Variants in SLC4A9 observed in about 807,000 individuals in gnomAD.
The protein encoded by SLC4A9 is solute carrier family 4 member 9, also known as anion exchange protein 4.
A neutral mutation model predicts 103.2 loss-of-function variants in SLC4A9; 102 were observed. That is an observed-to-expected ratio of 0.99 (90% CI 0.84 to 1.17). SLC4A9 has a LOEUF of 1.17. SLC4A9 is among the 50% of genes most tolerant of loss of function. SLC4A9 has a pLI of 0.00. For synonymous variants in SLC4A9, 453 were observed against 483.6 expected, an observed-to-expected ratio of 0.94 and a Z score of 0.83; for missense variants, 1,091 against 1,193.7, an observed-to-expected ratio of 0.91 and a Z score of 1.27.
At position 140,363,143 on chromosome 5, in the gene SLC4A9, G is replaced by C; in HGVS notation, c.962+77G>C. 3 of 1,542,204 alleles carry C rather than the reference G, an allele frequency of 1.9e-6. No homozygotes were observed. The highest frequency in any genetic ancestry group is 2.6e-6 in the Non-Finnish European group (3 of 1,146,704). On this transcript the variant is annotated intron_variant, in intron 7 of 21. Transcript: ENST00000506757. The surrounding 1 kb of genome is among the most constrained non-coding windows in gnomAD (Gnocchi z 4.5). The stretch of plus-strand genomic sequence containing the variant: ...TCTAATTCCATTGTTGAGGAGGGGT[G>C]GTGTCCCAGGAAAGAGATAGGGACC...
intron 3 of SLC4A9, among the ~76,000 whole-genome samples, 197 bp from the exon 4 acceptor site, chr5:140,361,611 C>G (rs1302928693): frequency 6.6e-6 from 1 of 152,216 alleles, no homozygotes; most frequent in Admixed American, 6.5e-5. Context: ...TTCACAGTAT[C>G]TCATTTGATC....
At position 140,372,273 on chromosome 5, in the gene SLC4A9, T is replaced by C; in HGVS notation, c.2702T>C (p.Leu901Pro). The C allele has an allele frequency of 6.3e-7, 1 of 1,591,990 alleles. No individual in the cohort carries two copies. The highest frequency in any genetic ancestry group is 8.5e-7 in the Non-Finnish European group (1 of 1,173,360). Reference protein sequence around the residue: ...LLGLVGVRKALERVFSPQELL... With the variant: ...LLGLVGVRKAPERVFSPQELL... ...GGCCTTGTGGGGGTCCGAAAGGCCC[T>C]GGAGAGGGTCTTCTCACCACAGGAA... Residue 901 changes from leucine to proline, a missense_variant, in exon 20 of 22, where the codon CTG becomes CCG. By Grantham distance (98) the Leu-to-Pro change is moderately conservative. Transcript: ENST00000506757.
chr5:140,366,748 T>C (rs1420254856), intron 14 of SLC4A9, among the ~76,000 whole-genome samples: 1 of 152,212 alleles, frequency 6.6e-6, no homozygotes, highest in African/African-American at 2.4e-5. Flanking sequence ...TGTTACGGGA[T>C]TGCCCCACCC....
At chr5:140,360,996 A>G in intron 2 of SLC4A9, 24 bp downstream of exon 2, 1 of 1,543,396 alleles carries the variant, frequency 6.5e-7, no homozygotes, top group Middle Eastern at 2.1e-4. Context: ...CTTTGCAGGA[A>G]GGGCCTGGGT....
chr5:140,363,187 C>T lies in SLC4A9; in HGVS notation c.962+121C>T. The T allele has an allele frequency of 1.5e-6, 2 of 1,304,356 alleles. No individual in the cohort carries two copies. Among genetic ancestry groups the T allele is most frequent in the Non-Finnish European group, 2.1e-6 (2 of 948,076 alleles). 80.8% of individuals were successfully genotyped at this position (1,304,356 alleles called of 1,614,324 possible). On this transcript the variant is annotated intron_variant, in intron 7 of 21. Coordinates refer to ENST00000506757, the MANE Select transcript of SLC4A9 (RefSeq NM_031467.3). This position sits in a 1 kb window ranked among gnomAD's most constrained non-coding sequence, Gnocchi z 4.5. ...AGGGACCTATCTTTGGATTTGGAGTCAGGCAGACCTAACTCTGAGTTCTGC... is the reference window on the plus strand; with the variant it reads ...AGGGACCTATCTTTGGATTTGGAGTTAGGCAGACCTAACTCTGAGTTCTGC...
chr5:140,373,717 G>T (rs1338769792), intron 21 of SLC4A9, among the ~76,000 whole-genome samples: 2 of 152,188 alleles, frequency 1.3e-5, no homozygotes, highest in African/African-American at 2.4e-5. Context: ...ACTTCAAGCT[G>T]TAGTGTGCAA....
chr5:140,365,630 C>T, intron 12 of SLC4A9, 52 bp downstream of exon 12: 1 of 1,575,772 alleles, frequency 6.3e-7, no homozygotes, highest in South Asian at 1.1e-5. Flanking sequence ...GAGACCAAGG[C>T]AGTCGGTGGT....
In SLC4A9 at chr5:140,360,821, G is replaced by C. The variant is rs372019908; in HGVS notation, c.240G>C (p.Leu80=). 2 of 1,613,446 alleles carry C rather than the reference G, an allele frequency of 1.2e-6. No individual in the cohort carries two copies. Among genetic ancestry groups the C allele is most frequent in the African/African-American group, 1.3e-5 (1 of 74,910 alleles). The change falls in exon 2 of 22, where the codon CTG becomes CTC. Residue 80 remains leucine (L), a synonymous_variant. Transcript: ENST00000506757. ...CCCACCTTCATCACAGGTGGGTACT[G>C]TTTGAGGAGAAGTTGGAGGTGGCTG... ...LEWRETGRWV[L]FEEKLEVAAG...
intron 3 of SLC4A9, 150 bp from the exon 4 acceptor site, chr5:140,361,658 C>G: frequency 1.2e-6 from 1 of 840,858 alleles, no homozygotes; most frequent in Non-Finnish European, 1.9e-6. Flanking sequence ...ACAATTATCC[C>G]CATTTTAGTG....
chr5:140,367,971 A>C (rs976171688), intron 16 of SLC4A9, 73 bp downstream of exon 16: 4 of 1,514,582 alleles, frequency 2.6e-6, no homozygotes, highest in African/African-American at 2.7e-5. Context: ...TGGCAGAGTT[A>C]CTTGGGCAGC....
At chr5:140,364,678 G>T in intron 11 of SLC4A9, 53 bp downstream of exon 11, 2 of 1,564,248 alleles carry the variant, frequency 1.3e-6, no homozygotes, top group Admixed American at 1.9e-5. Context: ...GTAGGGAAGG[G>T]GAGGGGCTGC....
rs1174881410 is a variant in SLC4A9 at position 140,363,415 on chromosome 5, A to G, written c.963-24A>G. 12 of 1,547,588 alleles carry G rather than the reference A, an allele frequency of 7.8e-6. No individual in the cohort carries two copies. The highest frequency in any genetic ancestry group is 2.4e-5 in the East Asian group (1 of 40,882). On this transcript the variant is annotated intron_variant, in intron 7 of 21. Coordinates refer to ENST00000506757, the MANE Select transcript of SLC4A9 (RefSeq NM_031467.3). The surrounding 1 kb of genome is among the most constrained non-coding windows in gnomAD (Gnocchi z 4.5). ...CAGACTGGTTGGAGATCCTCAGCCA[A>G]CCTGGGGTTCCCCTCCTCCTCAGGC...
In SLC4A9 at chr5:140,367,578, G is replaced by A; in HGVS notation, c.2172G>A (p.Leu724=). The change falls in exon 15 of 22, where the codon CTG becomes CTA. Residue 724 remains leucine (L), a synonymous_variant. Coordinates refer to ENST00000506757, the MANE Select transcript of SLC4A9 (RefSeq NM_031467.3). ...AVILNRMEYR[L]QKGAGFHLDL... ...TCCTCAACCGCATGGAATACAGACT[G>A]CAGGTAAGGCCTGCTGGGTAAGGCC... is the stretch of plus-strand genomic sequence containing the variant. 3 of 1,602,584 alleles carry A rather than the reference G, an allele frequency of 1.9e-6. No individual in the cohort carries two copies. The highest frequency in any genetic ancestry group is 8.5e-7 in the Non-Finnish European group (1 of 1,174,696).
At position 140,362,084 on chromosome 5, in the gene SLC4A9, TG is replaced by T; in HGVS notation, c.632del (p.Gly211AlafsTer82). On this transcript the variant is annotated frameshift_variant, in exon 5 of 22. Transcript: ENST00000506757. LOFTEE classifies it high-confidence loss of function. ...AEAGTVLAGE[L>X]GFLAQPLGAF... ...GCAGGGACTGTGCTGGCAGGGGAGC[TG>T]GGCTTCCTGGCACAGCCACTGGGAG... 1 of 1,584,314 alleles carries T rather than the reference TG, an allele frequency of 6.3e-7. No homozygotes were observed. The highest frequency in any genetic ancestry group is 2.1e-5 in the Admixed American group (1 of 48,696).
At chr5:140,373,273 G>A (rs1305935827) in intron 21 of SLC4A9, among the ~76,000 whole-genome samples, 2 of 152,186 alleles carry the variant, frequency 1.3e-5, no homozygotes, top group African/African-American at 2.4e-5. Context: ...TGTCCTCTCT[G>A]CCATTCCTTC....
rs1484463367 is a variant in SLC4A9 at position 140,366,015 on chromosome 5, C to G, written c.1892C>G (p.Pro631Arg). Residue 631 changes from proline to arginine, a missense_variant, in exon 13 of 22, where the codon CCC becomes CGC. By Grantham distance (103) the Pro-to-Arg change is moderately radical. Coordinates refer to ENST00000506757, the MANE Select transcript of SLC4A9 (RefSeq NM_031467.3). ...TGTGTAAAGACCAGCCGCTTCTTCC[C>G]CTCTGTGGTGAGTTTCACCTTTCTT... ...LKCVKTSRFF[P>R]SVVRKGLSDF... The G allele has an allele frequency of 3.7e-6, 6 of 1,613,828 alleles. No individual in the cohort carries two copies. Among genetic ancestry groups the G allele is most frequent in the Non-Finnish European group, 5.1e-6 (6 of 1,179,858 alleles).
rs199786527 is a variant in SLC4A9 at position 140,367,479 on chromosome 5, G to T, written c.2073G>T (p.Trp691Cys). 1 of 1,607,638 alleles carries T rather than the reference G, an allele frequency of 6.2e-7. No individual in the cohort carries two copies. The highest frequency in any genetic ancestry group is 1.1e-5 in the South Asian group (1 of 89,724). The change falls in exon 15 of 22, where the codon TGG (tryptophan) becomes TGT (cysteine). Residue 691 changes from tryptophan (W) to cysteine (C), a missense_variant. Trp to Cys is a radical substitution (Grantham distance 215, BLOSUM62 -2). Transcript: ENST00000506757. ...CTTTTGGAGCCAACCCCTGGTGGTGGAGTGTGGCAGCTGCCCTGCCTGCCC... is the reference window on the plus strand; with the variant it reads ...CTTTTGGAGCCAACCCCTGGTGGTGTAGTGTGGCAGCTGCCCTGCCTGCCC... ...VSPFGANPWW[W>C]SVAAALPALL...
Position 140,372,226 on chromosome 5 carries a change from G to A in SLC4A9, c.2671-16G>A. The stretch of plus-strand genomic sequence containing the variant: ...ACTGTTGCTGACAGGCCTGGGCCAT[G>A]TTTCTATTCCTGCAGTTGCTGGGCC... On this transcript the variant is annotated splice_polypyrimidine_tract_variant and intron_variant, in intron 19 of 21. Transcript: ENST00000506757. 6.5e-7 allele frequency: 1 copy of A among 1,540,962 alleles called. No individual in the cohort carries two copies. Among genetic ancestry groups the A allele is most frequent in the South Asian group, 1.3e-5 (1 of 79,922 alleles).
intron 2 of SLC4A9, 127 bp downstream of exon 2, chr5:140,361,099 A>G: frequency 8.3e-7 from 1 of 1,211,720 alleles, no homozygotes; most frequent in Non-Finnish European, 1.2e-6. Context: ...CCCTTGTCAC[A>G]GGGTGGACAT....
Sources: gnomAD v4.1 joint callset for allele counts (sites outside exome capture counted in the v4.1 genomes callset) on GRCh38, gnomAD v4.1.1 for gene constraint, Gnocchi (gnomAD v3.1) non-coding constraint, MANE v1.5 for transcripts, NCBI Gene and HGNC (gene_info 2026-07-23, HGNC 2026-07-21) for gene names.